The following JAM3 variants were observed in gnomAD, a reference collection of about 807,000 sequenced individuals.
The protein encoded by JAM3 is junctional adhesion molecule 3, also known as junctional adhesion molecule C.
JAM3 carries 31 observed loss-of-function variants against 39.4 expected under a neutral mutation model. The ratio of observed to expected loss-of-function variants is 0.79; its 90% CI spans 0.59 to 1.06. JAM3 has a LOEUF of 1.06. Among genes scored for constraint, JAM3 ranks in the 50% least tolerant of loss-of-function variants. The pLI, the probability that JAM3 is intolerant of heterozygous loss-of-function variation, is 0.00. For synonymous variants in JAM3, 182 were observed against 148.7 expected (o/e 1.22, Z -1.63); for missense variants, 455 against 391.4 (o/e 1.16, Z -1.37).
chr11:134,151,710 G>A lies in JAM3; in HGVS notation c.*2529G>A, dbSNP rs1359348986. 6.6e-6 allele frequency: 1 copy of A among 152,128 alleles called. No individual in the cohort carries two copies. Among genetic ancestry groups the A allele is most frequent in the African/African-American group, 2.4e-5 (1 of 41,418 alleles). The allele number at this position is 152,128 out of a possible 1,614,324, so 9.4% of individuals were successfully genotyped here. A position where few individuals can be genotyped will look rare whatever the true frequency, so the allele number is the denominator to read the frequency against. On this transcript the variant is annotated 3_prime_UTR_variant, in exon 9 of 9. Transcript: ENST00000299106. The stretch of plus-strand genomic sequence containing the variant: ...GACTTGTACTAACACACCGTAATTT[G>A]GCATTTGTTTAACCTCATTTATAAA...
intron 1 of JAM3, among the ~76,000 whole-genome samples, chr11:134,103,397 A>C (rs1942116367): frequency 6.6e-6 from 1 of 152,226 alleles, no homozygotes; most frequent in Non-Finnish European, 1.5e-5. Flanking sequence ...AGTACCAGCC[A>C]CTGCAAAAAC....
intron 1 of JAM3, among the ~76,000 whole-genome samples, chr11:134,081,557 G>A (rs1050310759): frequency 1.3e-5 from 2 of 152,204 alleles, no homozygotes; most frequent in African/African-American, 4.8e-5. Context: ...TTGAGCCTGC[G>A]AGTGCACAGA....
At chr11:134,143,467 CAAAT>C (rs1231453224) in intron 3 of JAM3, among the ~76,000 whole-genome samples, 2 of 152,180 alleles carry the variant, frequency 1.3e-5, no homozygotes, top group Non-Finnish European at 2.9e-5. Flanking sequence ...TTCCCAGGCT[CAAAT>C]AATCCTCCCA....
intron 1 of JAM3, among the ~76,000 whole-genome samples, chr11:134,117,832 T>C (rs1244407561): frequency 6.6e-6 from 1 of 152,242 alleles, no homozygotes; most frequent in African/African-American, 2.4e-5. Context: ...TGATCACTCC[T>C]GCACTGTCTT....
chr11:134,113,880 C>T (rs1290699301), intron 1 of JAM3, among the ~76,000 whole-genome samples: 1 of 152,194 alleles, frequency 6.6e-6, no homozygotes, highest in Non-Finnish European at 1.5e-5. Flanking sequence ...TTAATGATCG[C>T]AATTCTAACT....
chr11:134,069,264 G>T lies in JAM3; in HGVS notation c.76+105G>T, dbSNP rs138660152. ...GGTCCGGGCGAGGATAGCGGTCCTG[G>T]CTCCGAGGGCTCCCGGGGTCCCGGG... On this transcript the variant is annotated intron_variant, in intron 1 of 8. Coordinates refer to ENST00000299106, the MANE Select transcript of JAM3 (RefSeq NM_032801.5). The T allele has an allele frequency of 1.6e-4, 235 of 1,438,238 alleles. 3 individuals carry two copies. The Middle Eastern group carries it at 4.2e-3, about 26-fold the overall frequency. The allele number at this position is 1,438,238 out of a possible 1,614,324, so 89.1% of individuals were successfully genotyped here.
chr11:134,123,005 T>A (rs1282020361), intron 1 of JAM3, among the ~76,000 whole-genome samples: 2 of 152,226 alleles, frequency 1.3e-5, no homozygotes, highest in African/African-American at 2.4e-5. Flanking sequence ...AATTCAACTC[T>A]CAGCTAACTT....
At chr11:134,097,214 T>C (rs1941999572) in intron 1 of JAM3, among the ~76,000 whole-genome samples, 4 of 152,236 alleles carry the variant, frequency 2.6e-5, no homozygotes, top group Admixed American at 2.6e-4. Flanking sequence ...TTTACCATCC[T>C]CTTCCCTCAA....
intron 1 of JAM3, among the ~76,000 whole-genome samples, chr11:134,076,981 C>G (rs989131968): frequency 1.3e-5 from 2 of 151,928 alleles, no homozygotes; most frequent in African/African-American, 4.8e-5. Flanking sequence ...ATTACAGGCT[C>G]CTGCCATCAT....
At chr11:134,107,794 T>C (rs1279616530) in intron 1 of JAM3, among the ~76,000 whole-genome samples, 1 of 151,964 alleles carries the variant, frequency 6.6e-6, no homozygotes, top group Non-Finnish European at 1.5e-5. Flanking sequence ...TCCCAGGAAA[T>C]TGAGGCTACA....
At chr11:134,140,437 G>C (rs952727539) in intron 2 of JAM3, among the ~76,000 whole-genome samples, 3 of 152,172 alleles carry the variant, frequency 2.0e-5, no homozygotes, top group Non-Finnish European at 4.4e-5. Flanking sequence ...CAAGCAGGGT[G>C]TTTAAGGGAG....
chr11:134,136,576 T>A lies in JAM3; in HGVS notation c.77-3275T>A, dbSNP rs575165144. Reference sequence around the variant, plus strand: ...AGAATTGTGAGGAAGGACTCTCAGCTTGGGACCTTATCTGATGTAGTGCCC... The same window carrying A: ...AGAATTGTGAGGAAGGACTCTCAGCATGGGACCTTATCTGATGTAGTGCCC... On this transcript the variant is annotated intron_variant, in intron 1 of 8. Transcript: ENST00000299106. Among the ~76,000 whole-genome samples the A allele has an allele frequency of 2.5e-3, 384 of 152,332 alleles. 1 individual carries two copies. The highest frequency in any genetic ancestry group is 4.5e-3 in the Non-Finnish European group (303 of 68,024).
At chr11:134,134,716 T>C (rs1407167927) in intron 1 of JAM3, among the ~76,000 whole-genome samples, 1 of 152,196 alleles carries the variant, frequency 6.6e-6, no homozygotes, top group Non-Finnish European at 1.5e-5. Context: ...CTAATGGATG[T>C]GAAGTGGTAT....
intron 1 of JAM3, among the ~76,000 whole-genome samples, chr11:134,073,665 A>G (rs1447059068): frequency 6.6e-6 from 1 of 152,200 alleles, no homozygotes; most frequent in African/African-American, 2.4e-5. Context: ...GTCCTTAAAG[A>G]GCCAGGGTAA....
chr11:134,149,500 A>C lies in JAM3; in HGVS notation c.*319A>C. 8 of 502,846 alleles carry C rather than the reference A, an allele frequency of 1.6e-5. No homozygotes were observed. Among genetic ancestry groups the C allele is most frequent in the East Asian group, 8.7e-5 (2 of 23,002 alleles). 31.1% of individuals were successfully genotyped at this position (502,846 alleles called of 1,614,324 possible). The stretch of plus-strand genomic sequence containing the variant: ...TGATCTTAAAGAGTTTGCTCACGTA[A>C]ACGCCCGTGCTGGGCCCTGTGAAGC... On this transcript the variant is annotated 3_prime_UTR_variant, in exon 9 of 9. Coordinates refer to ENST00000299106, the MANE Select transcript of JAM3 (RefSeq NM_032801.5).
intron 1 of JAM3, among the ~76,000 whole-genome samples, chr11:134,127,706 AAAT>A (rs1479950743): frequency 6.6e-6 from 1 of 152,204 alleles, no homozygotes; most frequent in Non-Finnish European, 1.5e-5. Context: ...TTTCAAAACA[AAAT>A]AAAACTTGAT....
chr11:134,085,408 C>T (rs1941731912), intron 1 of JAM3, among the ~76,000 whole-genome samples: 1 of 152,050 alleles, frequency 6.6e-6, no homozygotes, highest in Admixed American at 6.6e-5. Context: ...ATCAAAGATC[C>T]TAAATATGTA....
chr11:134,111,895 C>T (rs1348387432), intron 1 of JAM3, among the ~76,000 whole-genome samples: 1 of 152,160 alleles, frequency 6.6e-6, no homozygotes, highest in African/African-American at 2.4e-5. Context: ...AATGGAAGCC[C>T]AGTGTGCTCA....
chr11:134,136,152 A>T (rs1020707386), intron 1 of JAM3, among the ~76,000 whole-genome samples: 48 of 152,196 alleles, frequency 3.2e-4, no homozygotes, highest in Admixed American at 7.9e-4. Flanking sequence ...TAGGAAATTG[A>T]ATAGGAATAA....
Sources: allele counts gnomAD v4.1 joint callset (sites outside exome capture counted in the v4.1 genomes callset), GRCh38; gene constraint gnomAD v4.1.1; transcripts MANE v1.5; gene names NCBI Gene and HGNC (gene_info 2026-07-23, HGNC 2026-07-21).